MIPOL1: variants seen among roughly 807,000 people sequenced by gnomAD.
MIPOL1 encodes the protein mirror-image polydactyly 1.
MIPOL1 carries 57 observed loss-of-function variants against 60.9 expected under a neutral mutation model. The observed-to-expected ratio is 0.94, with a 90% CI of 0.76 to 1.17. The LOEUF is 1.17. MIPOL1 is among the 50% of genes most tolerant of loss of function. The pLI, the probability that MIPOL1 is intolerant of heterozygous loss-of-function variation, is 0.00. For synonymous variants in MIPOL1, 179 were observed against 168.8 expected (o/e 1.06, Z -0.47); for missense variants, 551 against 511.6 (o/e 1.08, Z -0.74).
Position 37,308,056 on chromosome 14 carries a change from G to T in MIPOL1, c.624G>T (p.Val208=). The change falls in exon 8 of 13, where the codon GTG becomes GTT. Residue 208 remains valine (V), a splice_region_variant and synonymous_variant. Coordinates refer to ENST00000684589, the MANE Select transcript of MIPOL1 (RefSeq NM_001388067.1). ...GGCTTTCTGTGTCCCTTTTTTCTAGGCTAGAAAATATTAACCCTGAAGAAA... is the reference window on the plus strand; with the variant it reads ...GGCTTTCTGTGTCCCTTTTTTCTAGTCTAGAAAATATTAACCCTGAAGAAA... ...RAKHMEMSLK[V]LENINPEEND... The T allele has an allele frequency of 1.2e-6, 2 of 1,608,968 alleles. No individual in the cohort carries two copies. The highest frequency in any genetic ancestry group is 1.7e-6 in the Non-Finnish European group (2 of 1,177,326).
intron 9 of MIPOL1, among the ~76,000 whole-genome samples, chr14:37,357,955 T>A (rs867717166): frequency 6.6e-6 from 1 of 152,084 alleles, no homozygotes; most frequent in African/African-American, 2.4e-5. Flanking sequence ...TCGTCATTTA[T>A]GTTAGGTATT....
chr14:37,387,318 A>G (rs533864126), intron 10 of MIPOL1, among the ~76,000 whole-genome samples: 2 of 152,058 alleles, frequency 1.3e-5, no homozygotes, highest in South Asian at 4.1e-4. Context: ...AGGATTTATA[A>G]TAGTTCTGTA....
At chr14:37,552,278 T>C (rs1030661349), downstream of MIPOL1, 10 of 152,220 alleles carry the variant, frequency 6.6e-5, no homozygotes, top group Admixed American at 3.9e-4. Context: ...ATGCACATAA[T>C]TGTAATTTTT....
At chr14:37,342,429 G>A (rs1173291406) in intron 9 of MIPOL1, among the ~76,000 whole-genome samples, 8 of 149,628 alleles carry the variant, frequency 5.3e-5, no homozygotes, top group Admixed American at 6.7e-5. Context: ...TTGGAATCTC[G>A]CTCTGTCACC....
chr14:37,447,517 A>G (rs1262765892), intron 11 of MIPOL1, among the ~76,000 whole-genome samples: 1 of 152,166 alleles, frequency 6.6e-6, no homozygotes, highest in African/African-American at 2.4e-5. Context: ...TACTGTGTCA[A>G]TCTGGGTAGC....
chr14:37,315,682 G>T (rs1227017504), intron 9 of MIPOL1, among the ~76,000 whole-genome samples: 1 of 152,078 alleles, frequency 6.6e-6, no homozygotes, highest in Admixed American at 6.6e-5. Context: ...CTTTGGGGTG[G>T]GATCAACATA....
rs374202319 is a variant in MIPOL1 at position 37,473,109 on chromosome 14, G to A, written c.1032-26799G>A. On this transcript the variant is annotated intron_variant, in intron 11 of 12. Coordinates refer to ENST00000684589, the MANE Select transcript of MIPOL1 (RefSeq NM_001388067.1). ...TTGGGGTTATGGGAGCAGATCCTGC[G>A]TGATCGACTTGGTGCCTTTCTCATG... 1.4e-4 allele frequency among the ~76,000 whole-genome samples: 21 copies of A among 152,248 alleles called. No homozygotes were observed. In the South Asian group the frequency reaches 2.3e-3, roughly 17 times the overall value.
intron 10 of MIPOL1, among the ~76,000 whole-genome samples, chr14:37,419,354 G>A (rs1042033098): frequency 6.6e-6 from 1 of 152,138 alleles, no homozygotes; most frequent in Non-Finnish European, 1.5e-5. Flanking sequence ...TGAAAAGAAG[G>A]CATTGACTCC....
At chr14:37,206,349 G>A (rs1406780720) in intron 1 of MIPOL1, among the ~76,000 whole-genome samples, 1 of 152,208 alleles carries the variant, frequency 6.6e-6, no homozygotes, top group African/African-American at 2.4e-5. Context: ...TGTTGAGCCT[G>A]TGAGTGCACC....
chr14:37,525,991 A>G (rs749060831), intron 12 of MIPOL1, among the ~76,000 whole-genome samples: 15 of 152,148 alleles, frequency 9.9e-5, no homozygotes, highest in Non-Finnish European at 1.6e-4. Context: ...GAGAGAATCA[A>G]TGGGAAAAAG....
chr14:37,504,651 G>A (rs910977771), intron 12 of MIPOL1: 1 of 152,152 alleles, frequency 6.6e-6, no homozygotes, highest in Non-Finnish European at 1.5e-5. Context: ...ACAAGAGAAA[G>A]CAAGAAAGAT....
chr14:37,253,432 A>C (rs957675010), intron 3 of MIPOL1, among the ~76,000 whole-genome samples: 2 of 151,770 alleles, frequency 1.3e-5, no homozygotes, highest in East Asian at 3.9e-4. Flanking sequence ...ACAGGAAATG[A>C]ATTTATTTAA....
chr14:37,252,950 C>T (rs2145179), intron 3 of MIPOL1, among the ~76,000 whole-genome samples: 96,297 of 151,412 alleles, frequency 0.64, 30,735 homozygotes, highest in Non-Finnish European at 0.67. Context: ...TTGCTACCAG[C>T]AAGATAAGCT....
intron 11 of MIPOL1, among the ~76,000 whole-genome samples, chr14:37,455,193 T>C (rs2094464188): frequency 1.3e-5 from 2 of 152,220 alleles, no homozygotes; most frequent in Non-Finnish European, 1.5e-5. Context: ...TCTTCTGAAT[T>C]ACTATGAGTC....
At chr14:37,212,761 C>T (rs530161899) in intron 1 of MIPOL1, among the ~76,000 whole-genome samples, 9 of 152,192 alleles carry the variant, frequency 5.9e-5, no homozygotes, top group East Asian at 5.8e-4. Context: ...AGGCTTTGGG[C>T]GAGATCTAAT....
chr14:37,473,386 C>T (rs1345652941), intron 11 of MIPOL1, among the ~76,000 whole-genome samples: 6 of 151,942 alleles, frequency 3.9e-5, no homozygotes, highest in Non-Finnish European at 5.9e-5. Context: ...AAAACGACCC[C>T]GCCTCAGGTA....
chr14:37,266,988 A>T lies in MIPOL1; in HGVS notation c.70A>T (p.Thr24Ser), dbSNP rs1263969801. 1 of 1,613,754 alleles carries T rather than the reference A, an allele frequency of 6.2e-7. No homozygotes were observed. The highest frequency in any genetic ancestry group is 1.7e-5 in the Admixed American group (1 of 60,010). Residue 24 changes from threonine (T) to serine (S), a missense_variant, in exon 4 of 13, where the codon ACG (threonine) becomes TCG (serine). Transcript: ENST00000684589. Reference protein sequence around the residue: ...EQETTGINKSTQPDEQLTMNS... With the variant: ...EQETTGINKSSQPDEQLTMNS... The stretch of plus-strand genomic sequence containing the variant: ...AGAAACTACGGGGATAAATAAAAGT[A>T]CGCAGCCAGATGAGCAACTGACTAT...
intron 3 of MIPOL1, among the ~76,000 whole-genome samples, chr14:37,248,181 C>T (rs1242724242): frequency 6.6e-6 from 1 of 151,630 alleles, no homozygotes; most frequent in Non-Finnish European, 1.5e-5. Context: ...AAAAAAAAGA[C>T]ACACCAGGAA....
intron 12 of MIPOL1, among the ~76,000 whole-genome samples, chr14:37,520,926 C>CTTTTTTTTT (rs11299536): frequency 2.1e-5 from 1 of 47,732 alleles, no homozygotes; most frequent in African/African-American, 1.0e-4. Flanking sequence ...TAACATTTTA[C>CTTTTTTTTT]TTTTTTTTTT....
Sources: gnomAD v4.1 joint callset for allele counts (sites outside exome capture counted in the v4.1 genomes callset) on GRCh38, gnomAD v4.1.1 for gene constraint, MANE v1.5 for transcripts, NCBI Gene and HGNC (gene_info 2026-07-23, HGNC 2026-07-21) for gene names.